Variants in OSBPL9 observed in about 807,000 individuals in gnomAD.
OSBPL9 encodes oxysterol binding protein like 9.
In OSBPL9, 40 loss-of-function variants were observed where a neutral mutation model predicts 106.6. That is an observed-to-expected ratio of 0.38 (90% CI 0.29 to 0.49). The LOEUF (loss-of-function observed/expected upper bound fraction) is 0.49. Among genes scored for constraint, OSBPL9 ranks in the 20% least tolerant of loss-of-function variants. OSBPL9 has a pLI of 0.97. For missense variants in OSBPL9, 609 were observed against 887.2 expected (o/e 0.69, Z 3.98); for synonymous variants, 269 against 295.4 (o/e 0.91, Z 0.92).
At chr1:51,737,015 G>A (rs1317342233) in intron 4 of OSBPL9, among the ~76,000 whole-genome samples, 1 of 151,968 alleles carries the variant, frequency 6.6e-6, no homozygotes, top group Non-Finnish European at 1.5e-5. Flanking sequence ...GTTGAGTCAT[G>A]ATCATGTTGT....
chr1:51,745,654 A>C (rs755816145), intron 5 of OSBPL9, 23 bp downstream of exon 5: 1 of 1,466,770 alleles, frequency 6.8e-7, no homozygotes, highest in South Asian at 1.5e-5. Context: ...TTTGTATATT[A>C]AATTTATATA....
At chr1:51,527,015 A>T in the OSBPL9 span, among the ~76,000 whole-genome samples, 1 of 152,170 alleles carries the variant, frequency 6.6e-6, no homozygotes, top group Non-Finnish European at 1.5e-5. Flanking sequence ...AAGTGCTGGG[A>T]TTACAGGCAT....
chr1:51,617,495 G>A (rs557908422), intron 1 of OSBPL9, among the ~76,000 whole-genome samples: 3 of 152,176 alleles, frequency 2.0e-5, no homozygotes, highest in Non-Finnish European at 4.4e-5. Flanking sequence ...AAGCGGTAGT[G>A]GGGTCCAGCA....
At chr1:51,567,594 T>A in the OSBPL9 span, 1 of 152,252 alleles carries the variant, frequency 6.6e-6, no homozygotes, top group Non-Finnish European at 1.5e-5. Context: ...TGCTCCTTGA[T>A]GAAATCCTGC....
At chr1:51,638,164 G>C (rs1645571140) in intron 1 of OSBPL9, among the ~76,000 whole-genome samples, 1 of 151,998 alleles carries the variant, frequency 6.6e-6, no homozygotes, top group Non-Finnish European at 1.5e-5. Flanking sequence ...TTTGTATATT[G>C]AATCAATAGA....
Position 51,787,454 on chromosome 1 carries a change from A to G in OSBPL9, c.2102A>G (p.Glu701Gly). The G allele has an allele frequency of 6.2e-7, 1 of 1,614,040 alleles. No individual in the cohort carries two copies. The highest frequency in any genetic ancestry group is 8.5e-7 in the Non-Finnish European group (1 of 1,179,902). Reference protein sequence around the residue: ...LEERQRAEARERKEKEIQWET... With the variant: ...LEERQRAEARGRKEKEIQWET... ...GAAAGACAAAGAGCAGAAGCCCGAG[A>G]AAGGAAGGAGAAGGAAATTCAGTGG... Residue 701 changes from glutamate to glycine, a missense_variant, in exon 23 of 24, where the codon GAA becomes GGA. By Grantham distance (98) the Glu-to-Gly change is moderately conservative. Around this residue, in one of 5 missense-constraint regions of OSBPL9, gnomAD observed 132 missense variants for 158.1 expected, o/e 0.83. Coordinates refer to ENST00000428468, the MANE Select transcript of OSBPL9 (RefSeq NM_024586.6).
upstream of OSBPL9, among the ~76,000 whole-genome samples, chr1:51,616,001 TG>T (rs1255086230): frequency 4.0e-4 from 57 of 142,980 alleles, no homozygotes; most frequent in African/African-American, 1.3e-3. Context: ...ATAAATCCTT[TG>T]GTTTTTTTTT....
intron 4 of OSBPL9, among the ~76,000 whole-genome samples, chr1:51,740,713 TC>T (rs1666718236): frequency 6.6e-6 from 1 of 152,186 alleles, no homozygotes; most frequent in South Asian, 2.1e-4. Context: ...AAACAATTAT[TC>T]ATTTGTGAAT....
the OSBPL9 span, chr1:51,562,110 A>G: frequency 1.3e-5 from 2 of 152,128 alleles, no homozygotes; most frequent in African/African-American, 4.8e-5. Flanking sequence ...AGGCCAATTG[A>G]TATGGTTTGG....
the OSBPL9 span, among the ~76,000 whole-genome samples, chr1:51,539,331 T>C: frequency 6.6e-6 from 1 of 152,102 alleles, no homozygotes; most frequent in Non-Finnish European, 1.5e-5. Context: ...AACCCCCATG[T>C]CCAGTCCATC....
chr1:51,533,709 A>G, the OSBPL9 span, among the ~76,000 whole-genome samples: 1 of 152,182 alleles, frequency 6.6e-6, no homozygotes, highest in South Asian at 2.1e-4. Context: ...AGTGCTCAGA[A>G]AACAGAGGTT....
At chr1:51,717,194 T>C (rs1323712304) in intron 4 of OSBPL9, among the ~76,000 whole-genome samples, 2 of 152,152 alleles carry the variant, frequency 1.3e-5, no homozygotes. Context: ...CTCGAACTCC[T>C]GGGCTCAAGC....
At chr1:51,648,979 CTTTGTA>C (rs1442296825) in intron 1 of OSBPL9, among the ~76,000 whole-genome samples, 1 of 152,114 alleles carries the variant, frequency 6.6e-6, no homozygotes, top group Non-Finnish European at 1.5e-5. Context: ...CTATTGCCCT[CTTTGTA>C]AACCTTTAGT....
At chr1:51,758,102 AG>A (rs1240669129) in intron 9 of OSBPL9, among the ~76,000 whole-genome samples, 1 of 152,142 alleles carries the variant, frequency 6.6e-6, no homozygotes, top group Non-Finnish European at 1.5e-5. Flanking sequence ...AGTGTAGCAT[AG>A]TTATTTTTTC....
At chr1:51,603,314 A>C (rs1645332658) in intron 2 of OSBPL9, among the ~76,000 whole-genome samples, 1 of 152,238 alleles carries the variant, frequency 6.6e-6, no homozygotes, top group Non-Finnish European at 1.5e-5. Flanking sequence ...AATTCACAAA[A>C]CAGTATCAGG....
intron 3 of OSBPL9, among the ~76,000 whole-genome samples, chr1:51,694,262 C>G (rs556028919): frequency 1.3e-5 from 2 of 152,214 alleles, no homozygotes; most frequent in Non-Finnish European, 2.9e-5. Flanking sequence ...TAATAATTTT[C>G]CCAAACAAAT....
intron 3 of OSBPL9, among the ~76,000 whole-genome samples, chr1:51,671,220 A>AT (rs142570907): frequency 0.013 from 1,922 of 151,088 alleles, 38 homozygotes; most frequent in African/African-American, 0.043. Context: ...GTAAGACTGT[A>AT]TTTTTTTTTC....
intron 4 of OSBPL9, among the ~76,000 whole-genome samples, chr1:51,722,042 T>G (rs1224483695): frequency 6.6e-6 from 1 of 152,244 alleles, no homozygotes; most frequent in Non-Finnish European, 1.5e-5. Context: ...GATTTAAGAT[T>G]GCCTGGCATG....
intron 1 of OSBPL9, among the ~76,000 whole-genome samples, chr1:51,643,058 A>C (rs1053238072): frequency 1.3e-5 from 2 of 152,138 alleles, no homozygotes; most frequent in Admixed American, 1.3e-4. Context: ...TTGCTGCTTC[A>C]TAACATGGTG....
Sources: allele counts gnomAD v4.1 joint callset (sites outside exome capture counted in the v4.1 genomes callset), GRCh38; gene constraint gnomAD v4.1.1; regional missense constraint gnomAD v4.1.1; transcripts MANE v1.5; gene names NCBI Gene and HGNC (gene_info 2026-07-23, HGNC 2026-07-21).